The following GARNL3 variants were observed in gnomAD, a reference collection of about 807,000 sequenced individuals.
GARNL3 encodes GTPase activating Rap/RanGAP domain like 3.
GARNL3 carries 63 observed loss-of-function variants against 125.0 expected under a neutral mutation model. The observed-to-expected ratio is 0.50, with a 90% CI of 0.41 to 0.62. The LOEUF is 0.62. Among genes scored for constraint, GARNL3 ranks in the 20% least tolerant of loss-of-function variants. The pLI is 0.00. For missense variants in GARNL3, 994 were observed against 1,244.0 expected, an observed-to-expected ratio of 0.80 and a Z score of 3.02; for synonymous variants, 439 against 457.5, an observed-to-expected ratio of 0.96 and a Z score of 0.52.
chr9:127,303,968 A>G (rs2064874919), intron 2 of GARNL3, among the ~76,000 whole-genome samples: 1 of 152,210 alleles, frequency 6.6e-6, no homozygotes. Flanking sequence ...GTGGGCATGT[A>G]CAGGCCTGAA....
At chr9:127,290,324 C>G (rs1245689020) in intron 1 of GARNL3, among the ~76,000 whole-genome samples, 1 of 152,156 alleles carries the variant, frequency 6.6e-6, no homozygotes, top group Non-Finnish European at 1.5e-5. Flanking sequence ...CTCTTAAGCA[C>G]TAGTGAAAAC....
chr9:127,346,876 C>G (rs1251047165), intron 16 of GARNL3, among the ~76,000 whole-genome samples: 1 of 152,150 alleles, frequency 6.6e-6, no homozygotes, highest in Non-Finnish European at 1.5e-5. Context: ...AGAGAGTGCC[C>G]AGGAACAGTC....
At chr9:127,374,828 C>G (rs952760791) in intron 22 of GARNL3, among the ~76,000 whole-genome samples, 2 of 149,118 alleles carry the variant, frequency 1.3e-5, no homozygotes, top group Admixed American at 6.7e-5. Flanking sequence ...AATCCCAACA[C>G]TTTGGGAGGC....
At chr9:127,354,445 G>GT (rs374579226) in intron 19 of GARNL3, 35 bp downstream of exon 19, 100,453 of 970,080 alleles carry the variant, frequency 0.1, 15 homozygotes, top group East Asian at 0.15. Flanking sequence ...CATTCGATTC[G>GT]TTTTTTTTTT....
At chr9:127,325,637 G>A (rs749615585) in intron 7 of GARNL3, among the ~76,000 whole-genome samples, 11 of 152,080 alleles carry the variant, frequency 7.2e-5, no homozygotes, top group Non-Finnish European at 1.5e-4. Flanking sequence ...GGCCAAACTT[G>A]GAAAAATCCT....
intron 1 of GARNL3, among the ~76,000 whole-genome samples, chr9:127,225,822 C>T (rs2062901574): frequency 8.4e-5 from 1 of 11,952 alleles, no homozygotes; most frequent in Non-Finnish European, 2.0e-4. Context: ...CCTCGCGCCC[C>T]TTGCGCCCCT....
At chr9:127,258,455 C>G (rs2063529127) in intron 2 of GARNL3, among the ~76,000 whole-genome samples, 1 of 152,004 alleles carries the variant, frequency 6.6e-6, no homozygotes, top group Admixed American at 6.5e-5. Flanking sequence ...ACCAGGACAG[C>G]ATGGCAAAAT....
In GARNL3 at chr9:127,280,545, C is replaced by A. The variant is rs1442656712; in HGVS notation, c.145-10623C>A. Reference sequence around the variant, plus strand: ...TACCACAGATTTGTTCTGTTCCAAGCAACAAAGCCAGACACCAAATACGTT... The same window carrying A: ...TACCACAGATTTGTTCTGTTCCAAGAAACAAAGCCAGACACCAAATACGTT... On this transcript the variant is annotated intron_variant, in intron 1 of 27. Transcript: ENST00000373387. The surrounding 1 kb of genome is among the most constrained non-coding windows in gnomAD (Gnocchi z 4.5). Among the ~76,000 whole-genome samples, 3 of 152,200 alleles carry A rather than the reference C, an allele frequency of 2.0e-5. No individual in the cohort carries two copies. The highest frequency in any genetic ancestry group is 7.2e-5 in the African/African-American group (3 of 41,434).
At chr9:127,310,495 A>G (rs1421792732) in intron 2 of GARNL3, among the ~76,000 whole-genome samples, 1 of 152,218 alleles carries the variant, frequency 6.6e-6, no homozygotes, top group Admixed American at 6.5e-5. Context: ...TCTAAATGTT[A>G]TACAGGCCAG....
At chr9:127,349,969 G>A (rs992753256) in intron 17 of GARNL3, among the ~76,000 whole-genome samples, 5 of 152,102 alleles carry the variant, frequency 3.3e-5, no homozygotes, top group African/African-American at 9.7e-5. Flanking sequence ...TCCCTCCGAC[G>A]CTTACTGGGC....
rs73599261 is a variant in GARNL3, at chr9:127,271,500, A to G, written c.144+6479A>G. 3.7e-3 allele frequency among the ~76,000 whole-genome samples: 552 copies of G among 150,466 alleles called. 57 individuals are homozygous for G. The highest frequency in any genetic ancestry group is 0.013 in the African/African-American group (511 of 39,784). Reference sequence around the variant, plus strand: ...ACTTAGGCTCATTAGCTGGCAGTGCATTTCATCAAAAGCATATGCCATTTT... The same window carrying G: ...ACTTAGGCTCATTAGCTGGCAGTGCGTTTCATCAAAAGCATATGCCATTTT... On this transcript the variant is annotated intron_variant, in intron 1 of 27. Transcript: ENST00000373387.
At chr9:127,318,774 A>G (rs151107716) in intron 5 of GARNL3, among the ~76,000 whole-genome samples, 3 of 152,286 alleles carry the variant, frequency 2.0e-5, no homozygotes, top group Non-Finnish European at 2.9e-5. Flanking sequence ...ATGTTACATC[A>G]TAGCTATGGT....
intron 1 of GARNL3, among the ~76,000 whole-genome samples, chr9:127,287,406 TAGAA>T (rs879808503): frequency 6.6e-6 from 1 of 152,228 alleles, no homozygotes; most frequent in Non-Finnish European, 1.5e-5. Context: ...GTGAGGACAA[TAGAA>T]AGAAAATGGA....
chr9:127,377,585 G>A (rs773866656), intron 22 of GARNL3, among the ~76,000 whole-genome samples: 31 of 151,836 alleles, frequency 2.0e-4, no homozygotes, highest in South Asian at 6.2e-4. Flanking sequence ...TCAGGAGTTC[G>A]AGACCAGACT....
chr9:127,287,156 A>C (rs544638674), intron 1 of GARNL3, among the ~76,000 whole-genome samples: 4 of 152,256 alleles, frequency 2.6e-5, no homozygotes, highest in African/African-American at 7.2e-5. Context: ...CCTCTAGGGA[A>C]ATGGGGTCTA....
intron 21 of GARNL3, among the ~76,000 whole-genome samples, chr9:127,358,959 CAG>C (rs1447773655): frequency 1.5e-5 from 2 of 137,758 alleles, no homozygotes; most frequent in African/African-American, 4.9e-5. Context: ...CCAATTATAT[CAG>C]AATCTGGGGG....
chr9:127,332,102 A>G (rs1050921359), intron 7 of GARNL3, among the ~76,000 whole-genome samples, 172 bp from the exon 8 acceptor site: 4 of 152,144 alleles, frequency 2.6e-5, no homozygotes. Flanking sequence ...TATCAAAATG[A>G]AGGAATGATT....
At position 127,373,200 on chromosome 9, in the gene GARNL3, G is replaced by A. The variant is rs371480814; in HGVS notation, c.2161+7834G>A. Among the ~76,000 whole-genome samples, 72 of 152,260 alleles carry A rather than the reference G, an allele frequency of 4.7e-4. No individual in the cohort carries two copies. In the South Asian group the frequency reaches 0.015, roughly 31 times the overall value. On this transcript the variant is annotated intron_variant, in intron 22 of 27. Coordinates refer to ENST00000373387, the MANE Select transcript of GARNL3 (RefSeq NM_032293.5). Reference sequence around the variant, plus strand: ...AGAGAATTTTAAAGTGAGTAAGATCGAACCACCAGATGAACCAGGGACCTT... The same window carrying A: ...AGAGAATTTTAAAGTGAGTAAGATCAAACCACCAGATGAACCAGGGACCTT...
chr9:127,225,535 A>C, intron 1 of GARNL3: 1 of 264,904 alleles, frequency 3.8e-6, no homozygotes, highest in Non-Finnish European at 5.8e-6. Context: ...CCGGGCGCGG[A>C]GCCCGGGCTG....
Sources: gnomAD v4.1 joint callset for allele counts (sites outside exome capture counted in the v4.1 genomes callset) on GRCh38, gnomAD v4.1.1 for gene constraint, Gnocchi (gnomAD v3.1) non-coding constraint, MANE v1.5 for transcripts, NCBI Gene and HGNC (gene_info 2026-07-23, HGNC 2026-07-21) for gene names.